The following KLHL22 variants were observed in gnomAD, a reference collection of about 807,000 sequenced individuals.
KLHL22 encodes kelch-like protein 22.
Under a neutral mutation model 60.7 loss-of-function variants are expected in KLHL22, and 18 were observed. The ratio of observed to expected loss-of-function variants is 0.30; its 90% CI spans 0.20 to 0.44. The LOEUF is 0.44. Among genes scored for constraint, KLHL22 ranks in the 20% least tolerant of loss-of-function variants. The pLI is 1.00. For synonymous variants in KLHL22, 355 were observed against 354.5 expected (o/e 1.00, Z -0.01); for missense variants, 596 against 852.3 (o/e 0.70, Z 3.74).
chr22:20,451,167 C>G, intron 5 of KLHL22: 1 of 1,590,802 alleles, frequency 6.3e-7, no homozygotes, highest in Non-Finnish European at 8.6e-7. Flanking sequence ...AATGTCTAGA[C>G]TACACAGCAG....
At chr22:20,480,350 C>A (rs2146265416) in intron 2 of KLHL22, among the ~76,000 whole-genome samples, 1 of 152,258 alleles carries the variant, frequency 6.6e-6, no homozygotes, top group East Asian at 1.9e-4. Flanking sequence ...TTTAGAACCA[C>A]AATTTTAAAA....
intron 2 of KLHL22, chr22:20,484,247 C>T (rs1045605041): frequency 1.0e-5 from 4 of 398,454 alleles, no homozygotes; most frequent in African/African-American, 6.3e-5. Flanking sequence ...CCCGCCTCAG[C>T]CTCCCAAAGT....
At chr22:20,480,770 C>T (rs2053485203) in intron 2 of KLHL22, among the ~76,000 whole-genome samples, 1 of 151,672 alleles carries the variant, frequency 6.6e-6, no homozygotes, top group Non-Finnish European at 1.5e-5. Flanking sequence ...TATAATTAGC[C>T]TCGAAAATAA....
At chr22:20,478,508 C>CTTTTTTTTTTT (rs1196419660) in intron 2 of KLHL22, among the ~76,000 whole-genome samples, 2 of 67,676 alleles carry the variant, frequency 3.0e-5, no homozygotes, top group Non-Finnish European at 5.7e-5. Flanking sequence ...AAACTTAATT[C>CTTTTTTTTTTT]TTTTTTTTTT....
chr22:20,459,821 C>T (rs2053123827), intron 4 of KLHL22, among the ~76,000 whole-genome samples: 2 of 152,154 alleles, frequency 1.3e-5, no homozygotes, highest in Admixed American at 6.5e-5. Context: ...GCCCTGCCTT[C>T]CCCTGCAGAA....
chr22:20,482,222 C>T (rs1003573692), intron 2 of KLHL22: 9 of 152,394 alleles, frequency 5.9e-5, no homozygotes, highest in African/African-American at 2.2e-4. Context: ...GCTCAAAAAA[C>T]TTTTTAACTG....
chr22:20,489,961 C>A, intron 1 of KLHL22: 1 of 365,184 alleles, frequency 2.7e-6, no homozygotes, highest in South Asian at 2.1e-5. Flanking sequence ...TGAGTCAGTA[C>A]GTTCAAAAAC....
At chr22:20,471,091 A>G (rs2146238702) in intron 3 of KLHL22, among the ~76,000 whole-genome samples, 1 of 152,296 alleles carries the variant, frequency 6.6e-6, no homozygotes, top group African/African-American at 2.4e-5. Flanking sequence ...TTTCAATGAC[A>G]GGGAGACTCA....
At chr22:20,469,565 A>T (rs2053282311) in intron 3 of KLHL22, among the ~76,000 whole-genome samples, 1 of 152,128 alleles carries the variant, frequency 6.6e-6, no homozygotes. Context: ...AAATAAAAGA[A>T]CAGGGGGAAA....
At chr22:20,467,102 A>G (rs2053247849) in intron 3 of KLHL22, among the ~76,000 whole-genome samples, 1 of 152,258 alleles carries the variant, frequency 6.6e-6, no homozygotes. Context: ...GGGGCCCCCC[A>G]GTGCCCACCT....
chr22:20,452,161 G>A (rs1357729517), intron 5 of KLHL22, among the ~76,000 whole-genome samples: 2 of 151,666 alleles, frequency 1.3e-5, no homozygotes, highest in Non-Finnish European at 2.9e-5. Context: ...CTCATATGTT[G>A]CAAAGAACTA....
At position 20,476,705 on chromosome 22, in the gene KLHL22, G is replaced by A. The variant is rs1228684849; in HGVS notation, c.228-5190C>T. 4.3e-5 allele frequency among the ~76,000 whole-genome samples: 6 copies of A among 138,876 alleles called. No homozygotes were observed. In the East Asian group the frequency reaches 6.7e-4, roughly 16 times the overall value. The allele number at this position is 138,876 out of a possible 152,430, so 91.1% of individuals were successfully genotyped here. Reference sequence around the variant, plus strand: ...TGGTATTACAGGCGTGAGCCACCACGCCCGGCCTTTTTTTTTTTTTGTGAC... The same window carrying A: ...TGGTATTACAGGCGTGAGCCACCACACCCGGCCTTTTTTTTTTTTTGTGAC... On this transcript the variant is annotated intron_variant, in intron 2 of 6. Transcript: ENST00000328879.
chr22:20,493,424 G>A (rs944268760), intron 1 of KLHL22, among the ~76,000 whole-genome samples: 1 of 152,158 alleles, frequency 6.6e-6, no homozygotes, highest in Admixed American at 6.5e-5. Context: ...TCACCAAAAC[G>A]TCCACCCTCA....
chr22:20,477,335 G>C (rs1047229944), intron 2 of KLHL22, among the ~76,000 whole-genome samples: 3 of 151,872 alleles, frequency 2.0e-5, no homozygotes, highest in African/African-American at 7.3e-5. Flanking sequence ...AGGTTGCAGT[G>C]AGCTGATATC....
chr22:20,455,431 G>A (rs5753658), intron 5 of KLHL22, among the ~76,000 whole-genome samples: 9,871 of 152,240 alleles, frequency 0.065, 825 homozygotes, highest in East Asian at 0.46. Context: ...CTCAGGAAAA[G>A]CTGTGAGCCC....
At chr22:20,462,225 C>T (rs1230172277) in intron 4 of KLHL22, among the ~76,000 whole-genome samples, 5 of 140,882 alleles carry the variant, frequency 3.5e-5, no homozygotes, top group East Asian at 2.0e-4. Context: ...TGCAGTGAGC[C>T]GAGATCGTGC....
chr22:20,446,260 T>A (rs562715887), intron 6 of KLHL22, among the ~76,000 whole-genome samples, 183 bp downstream of exon 6: 2 of 152,150 alleles, frequency 1.3e-5, no homozygotes, highest in Non-Finnish European at 2.9e-5. Flanking sequence ...AGGCTATATG[T>A]GTATGGGGGG....
In KLHL22 at chr22:20,446,533, G is replaced by C. The variant is rs368031253; in HGVS notation, c.1449C>G (p.Arg483=). The C allele has an allele frequency of 1.2e-6, 2 of 1,613,612 alleles. No homozygotes were observed. The highest frequency in any genetic ancestry group is 2.2e-5 in the East Asian group (1 of 44,884). The change falls in exon 6 of 7, where the codon CGC becomes CGG. Residue 483 remains arginine, a synonymous_variant. Coordinates refer to ENST00000328879, the MANE Select transcript of KLHL22 (RefSeq NM_032775.4). The part of the protein sequence containing the change: ...WHTLADGPVR[R]AWHGMATLLN... ...GGAGGGTTGCCATGCCGTGCCAGGCGCGCCGCACAGGCCCATCAGCCAGTG... is the reference window on the plus strand; with the variant it reads ...GGAGGGTTGCCATGCCGTGCCAGGCCCGCCGCACAGGCCCATCAGCCAGTG...
At position 20,458,008 on chromosome 22, in the gene KLHL22, G is replaced by A. The variant is rs369163666; in HGVS notation, c.1113-8C>T. The A allele has an allele frequency of 1.8e-5, 29 of 1,613,524 alleles. No individual in the cohort carries two copies. The highest frequency in any genetic ancestry group is 8.3e-5 in the Admixed American group (5 of 59,972). On this transcript the variant is annotated splice_region_variant and splice_polypyrimidine_tract_variant and intron_variant, in intron 4 of 6. Coordinates refer to ENST00000328879, the MANE Select transcript of KLHL22 (RefSeq NM_032775.4). ...TTGTGCCGTGGGTCATACCTGTGCC[G>A]AGACATGAGGAAAGCACAGCACTGA...
Sources: gnomAD v4.1 joint callset for allele counts (sites outside exome capture counted in the v4.1 genomes callset) on GRCh38, gnomAD v4.1.1 for gene constraint, MANE v1.5 for transcripts, NCBI Gene and HGNC (gene_info 2026-07-23, HGNC 2026-07-21) for gene names.